The following HHIPL1 variants were observed in gnomAD, a reference collection of about 807,000 sequenced individuals.
HHIPL1 encodes HHIP like 1.
HHIPL1 carries 43 observed loss-of-function variants against 61.8 expected under a neutral mutation model. The observed-to-expected ratio is 0.70, with a 90% CI of 0.55 to 0.90. The LOEUF (loss-of-function observed/expected upper bound fraction) is 0.90. HHIPL1 is among the 40% of genes least tolerant of loss of function. The pLI is 0.00. For synonymous variants in HHIPL1, 482 were observed against 515.8 expected, an observed-to-expected ratio of 0.93 and a Z score of 0.89; for missense variants, 1,056 against 1,157.7, an observed-to-expected ratio of 0.91 and a Z score of 1.28.
upstream of HHIPL1, among the ~76,000 whole-genome samples, chr14:99,644,317 C>A (rs569001115): frequency 1.3e-5 from 2 of 152,218 alleles, no homozygotes; most frequent in African/African-American, 4.8e-5. Flanking sequence ...ACGCTGAGGT[C>A]CACTTGAGAA....
intron 1 of HHIPL1, among the ~76,000 whole-genome samples, chr14:99,651,425 C>T (rs562343368): frequency 2.8e-4 from 43 of 152,234 alleles, no homozygotes; most frequent in African/African-American, 7.9e-4. Context: ...AAAGGGGAGG[C>T]GGCATGTCTC....
At chr14:99,646,814 TATG>T (rs2055844678) in intron 1 of HHIPL1, among the ~76,000 whole-genome samples, 2 of 82,182 alleles carry the variant, frequency 2.4e-5, no homozygotes, top group South Asian at 8.7e-4. Context: ...TATGATATGA[TATG>T]ATATGATATG....
the HHIPL1 span, among the ~76,000 whole-genome samples, chr14:99,615,603 A>G: frequency 1.3e-5 from 2 of 151,370 alleles, no homozygotes; most frequent in Admixed American, 6.6e-5. Context: ...AGAGAGAGAG[A>G]GGAAAGGAAG....
At position 99,665,758 on chromosome 14, in the gene HHIPL1, A is replaced by G. The variant is rs148677109; in HGVS notation, c.1649-2464A>G. Among the ~76,000 whole-genome samples, 545 of 150,282 alleles carry G rather than the reference A, an allele frequency of 3.6e-3. 2 individuals carry two copies. Among genetic ancestry groups the G allele is most frequent in the Non-Finnish European group, 5.7e-3 (385 of 67,674 alleles). The stretch of plus-strand genomic sequence containing the variant: ...CCAGATAATTTCTTTTTTTGTTGTT[A>G]TTGTTGTTGTTGTGGGATTTTTGTT... On this transcript the variant is annotated intron_variant, in intron 6 of 8. Coordinates refer to ENST00000330710, the MANE Select transcript of HHIPL1 (RefSeq NM_001127258.3).
the HHIPL1 span, among the ~76,000 whole-genome samples, chr14:99,628,760 G>T: frequency 2.0e-5 from 3 of 152,054 alleles, no homozygotes; most frequent in African/African-American, 7.2e-5. Flanking sequence ...ACAGTCCAGT[G>T]GGTCCCTTCT....
chr14:99,615,364 T>C, the HHIPL1 span, among the ~76,000 whole-genome samples: 1 of 152,098 alleles, frequency 6.6e-6, no homozygotes, highest in East Asian at 1.9e-4. Flanking sequence ...CTGGGCAACA[T>C]GAGGAAACCC....
At chr14:99,659,834 C>G in intron 4 of HHIPL1, 78 bp downstream of exon 4, 1 of 733,430 alleles carries the variant, frequency 1.4e-6, no homozygotes, top group Non-Finnish European at 1.9e-6. Context: ...CAGGGCCTCC[C>G]TCGGAGACCG....
chr14:99,642,686 C>T (rs559583354), upstream of HHIPL1, among the ~76,000 whole-genome samples: 11 of 151,978 alleles, frequency 7.2e-5, no homozygotes, highest in East Asian at 9.7e-4. Context: ...TCACCATGCC[C>T]GGCTAAATTT....
At chr14:99,641,966 G>A (rs956285640), upstream of HHIPL1, among the ~76,000 whole-genome samples, 1 of 151,232 alleles carries the variant, frequency 6.6e-6, no homozygotes, top group African/African-American at 2.4e-5. Flanking sequence ...TTGAGACAGA[G>A]TCTCGCTCTG....
Position 99,645,293 on chromosome 14 carries a change from C to T in HHIPL1, c.86C>T (p.Pro29Leu). 4 of 1,449,496 alleles carry T rather than the reference C, an allele frequency of 2.8e-6. No individual in the cohort carries two copies. The highest frequency in any genetic ancestry group is 3.6e-6 in the Non-Finnish European group (4 of 1,105,660). 89.8% of individuals were successfully genotyped at this position (1,449,496 alleles called of 1,614,324 possible). A position where few individuals can be genotyped will look rare whatever the true frequency, so the allele number is the denominator to read the frequency against. ...CCGCAGTGCCTGGACTTCAGGCCGC[C>T]CTTCCGGCCGACGCAGCCGCTGCGC... ...AHPQCLDFRP[P>L]FRPTQPLRLC... The change falls in exon 1 of 9, where the codon CCC (proline) becomes CTC (leucine). Residue 29 changes from proline (P) to leucine (L), a missense_variant. Coordinates refer to ENST00000330710, the MANE Select transcript of HHIPL1 (RefSeq NM_001127258.3).
intron 2 of HHIPL1, among the ~76,000 whole-genome samples, 164 bp from the exon 3 acceptor site, chr14:99,656,823 GAAAGAAAGAAAGA>G: frequency 4.6e-4 from 2 of 4,350 alleles, no homozygotes; most frequent in African/African-American, 6.5e-4. Context: ...AAGAAAGAAA[GAAAGAAAGAAAGA>G]AAGGAAGGAA....
chr14:99,659,710 A>C lies in HHIPL1; in HGVS notation c.1329A>C (p.Glu443Asp), dbSNP rs1250883882. The change falls in exon 4 of 9, where the codon GAA becomes GAC. Residue 443 changes from glutamate (E) to aspartate (D), a missense_variant. By Grantham distance (45) the Glu-to-Asp change is conservative. Transcript: ENST00000330710. The stretch of plus-strand genomic sequence containing the variant: ...GCAACTATGGCTGGCGCGCGCGCGA[A>C]GGGTTCGAGTGCTACGACCGCAGCC... Reference protein sequence around the residue: ...RGGNYGWRAREGFECYDRSLC... With the variant: ...RGGNYGWRARDGFECYDRSLC... 2.0e-6 allele frequency: 3 copies of C among 1,488,938 alleles called. No individual in the cohort carries two copies. The highest frequency in any genetic ancestry group is 2.0e-4 in the Middle Eastern group (1 of 5,120). 92.2% of individuals were successfully genotyped at this position (1,488,938 alleles called of 1,614,324 possible).
chr14:99,665,655 G>GA (rs1432936295), intron 6 of HHIPL1, among the ~76,000 whole-genome samples: 2 of 152,184 alleles, frequency 1.3e-5, no homozygotes, highest in South Asian at 4.1e-4. Flanking sequence ...GGCAGGTGTG[G>GA]AACTCCTGGG....
chr14:99,613,908 C>T, the HHIPL1 span, among the ~76,000 whole-genome samples: 1 of 152,004 alleles, frequency 6.6e-6, no homozygotes, highest in African/African-American at 2.4e-5. Flanking sequence ...GAGATTCCAT[C>T]TCAAAAATAA....
the HHIPL1 span, among the ~76,000 whole-genome samples, chr14:99,626,265 GGGGT>G: frequency 1.1e-3 from 158 of 147,180 alleles, no homozygotes; most frequent in African/African-American, 3.0e-3. Context: ...TGGGTGTAGC[GGGGT>G]GTGTGTGTGT....
chr14:99,651,181 A>G (rs1386338808), intron 1 of HHIPL1, among the ~76,000 whole-genome samples: 1 of 152,168 alleles, frequency 6.6e-6, no homozygotes, highest in African/African-American at 2.4e-5. Flanking sequence ...CCCAGGAGGC[A>G]GACATTGCAG....
At chr14:99,664,411 G>A (rs1413834714) in intron 6 of HHIPL1, among the ~76,000 whole-genome samples, 2 of 152,218 alleles carry the variant, frequency 1.3e-5, no homozygotes, top group Non-Finnish European at 2.9e-5. Context: ...AGAAGCAGGG[G>A]TGCCCCTCCC....
chr14:99,656,982 G>A lies in HHIPL1; in HGVS notation c.903-18G>A. On this transcript the variant is annotated intron_variant, in intron 2 of 8. Transcript: ENST00000330710. ...ATGCGTGGAAGGCTGAGTTTTAGGG[G>A]CCCTTATCTTCCTTTAGGATAATCC... 6.3e-7 allele frequency: 1 copy of A among 1,579,958 alleles called. No homozygotes were observed. The highest frequency in any genetic ancestry group is 8.6e-7 in the Non-Finnish European group (1 of 1,162,354).
chr14:99,657,132 T>C lies in HHIPL1; in HGVS notation c.1035T>C (p.Asn345=). 6.2e-7 allele frequency: 1 copy of C among 1,613,016 alleles called. No individual in the cohort carries two copies. The highest frequency in any genetic ancestry group is 8.5e-7 in the Non-Finnish European group (1 of 1,179,672). The change falls in exon 3 of 9, where the codon AAT becomes AAC. Residue 345 remains asparagine (N), a synonymous_variant. Transcript: ENST00000330710. The stretch of plus-strand genomic sequence containing the variant: ...GAGACCCCTTTGGGACATTTGGAAA[T>C]GCCCAAAACAAGTATGTTCAGCTTT... ...MAGDPFGTFG[N]AQNKSALLGK...
Sources: gnomAD v4.1 joint callset for allele counts (sites outside exome capture counted in the v4.1 genomes callset) on GRCh38, gnomAD v4.1.1 for gene constraint, MANE v1.5 for transcripts, NCBI Gene and HGNC (gene_info 2026-07-23, HGNC 2026-07-21) for gene names.